The following GTF2A1L variants were observed in gnomAD, a reference collection of about 807,000 sequenced individuals.
GTF2A1L encodes TFIIA-alpha and beta-like factor.
GTF2A1L carries 48 observed loss-of-function variants against 49.7 expected under a neutral mutation model. That is an observed-to-expected ratio of 0.97 (90% CI 0.77 to 1.23). GTF2A1L has a LOEUF of 1.23. Among genes scored for constraint, GTF2A1L ranks in the 50% most tolerant of loss-of-function variants. The pLI is 0.00. For synonymous variants in GTF2A1L, 246 were observed against 193.5 expected, an observed-to-expected ratio of 1.27 and a Z score of -2.25; for missense variants, 736 against 564.8, an observed-to-expected ratio of 1.30 and a Z score of -3.07.
At chr2:48,623,436 G>T (rs1572694325) in intron 3 of GTF2A1L, among the ~76,000 whole-genome samples, 2 of 152,296 alleles carry the variant, frequency 1.3e-5, no homozygotes, top group Non-Finnish European at 2.9e-5. Context: ...AGATGTTGGT[G>T]AAGCTGCAGA....
chr2:48,626,707 G>C, intron 3 of GTF2A1L, among the ~76,000 whole-genome samples: 1 of 143,622 alleles, frequency 7.0e-6, no homozygotes, highest in East Asian at 2.0e-4. Flanking sequence ...CAAAGTAGCT[G>C]GGACTACAGG....
intron 3 of GTF2A1L, among the ~76,000 whole-genome samples, chr2:48,633,728 T>A (rs1676716342): frequency 6.6e-6 from 1 of 152,216 alleles, no homozygotes; most frequent in Admixed American, 6.5e-5. Flanking sequence ...CAGTAGGATT[T>A]CAATAGGGGG....
At chr2:48,672,678 T>C (rs904571095) in intron 8 of GTF2A1L, among the ~76,000 whole-genome samples, 3 of 152,290 alleles carry the variant, frequency 2.0e-5, no homozygotes, top group Non-Finnish European at 2.9e-5. Flanking sequence ...CTAAAAATAA[T>C]ACTGCTTTTT....
intron 8 of GTF2A1L, among the ~76,000 whole-genome samples, chr2:48,672,235 G>A (rs1679209470): frequency 6.6e-6 from 1 of 152,182 alleles, no homozygotes; most frequent in Non-Finnish European, 1.5e-5. Context: ...AAAAAGCAGA[G>A]AAATGAATGG....
rs1422026165 is a variant in GTF2A1L at position 48,625,909 on chromosome 2, GC to G, written c.247+4620del. ...ATTTATTTTCGCTTTTGTAGCCCGAGCTTTTGGTGTGATATCCAAAAAATCA... is the reference window on the plus strand; with the variant it reads ...ATTTATTTTCGCTTTTGTAGCCCGAGTTTTGGTGTGATATCCAAAAAATCA... On this transcript the variant is annotated intron_variant, in intron 3 of 8. Coordinates refer to ENST00000403751, the MANE Select transcript of GTF2A1L (RefSeq NM_006872.5). Among the ~76,000 whole-genome samples the G allele has an allele frequency of 2.8e-5, 4 of 143,874 alleles. 1 individual carries two copies. The highest frequency in any genetic ancestry group is 5.0e-5 in the African/African-American group (2 of 40,344). 94.4% of individuals were successfully genotyped at this position (143,874 alleles called of 152,430 possible).
In GTF2A1L at chr2:48,625,747, T is replaced by C. The variant is rs1291956774; in HGVS notation, c.247+4457T>C. Among the ~76,000 whole-genome samples the C allele has an allele frequency of 6.3e-5, 9 of 143,082 alleles. 2 individuals carry two copies. The highest frequency in any genetic ancestry group is 1.4e-4 in the Non-Finnish European group (9 of 63,718). 93.9% of individuals were successfully genotyped at this position (143,082 alleles called of 152,430 possible). A position where few individuals can be genotyped will look rare whatever the true frequency, so the allele number is the denominator to read the frequency against. On this transcript the variant is annotated intron_variant, in intron 3 of 8. Coordinates refer to ENST00000403751, the MANE Select transcript of GTF2A1L (RefSeq NM_006872.5). ...ACAGGCATACTCTATCATGCCTGGC[T>C]AATTTTCACATTTTTTGTAGAGACC...
At position 48,625,283 on chromosome 2, in the gene GTF2A1L, G is replaced by A. The variant is rs564797521; in HGVS notation, c.247+3993G>A. Among the ~76,000 whole-genome samples, 47 of 143,698 alleles carry A rather than the reference G, an allele frequency of 3.3e-4. 7 individuals carry two copies. Among genetic ancestry groups the A allele is most frequent in the South Asian group, 1.4e-3 (6 of 4,184 alleles). 94.3% of individuals were successfully genotyped at this position (143,698 alleles called of 152,430 possible). On this transcript the variant is annotated intron_variant, in intron 3 of 8. Coordinates refer to ENST00000403751, the MANE Select transcript of GTF2A1L (RefSeq NM_006872.5). ...AGGTGTGAGTTGATATCTTAATGCA[G>A]TTTTGACTTATATTCCTCTGATGAA...
chr2:48,645,588 G>C (rs983610935), intron 5 of GTF2A1L, among the ~76,000 whole-genome samples: 2 of 152,136 alleles, frequency 1.3e-5, no homozygotes, highest in African/African-American at 4.8e-5. Context: ...TTTTGAAGAG[G>C]ATCATACCTC....
intron 3 of GTF2A1L, among the ~76,000 whole-genome samples, chr2:48,640,387 G>A (rs1677135784): frequency 6.6e-6 from 1 of 152,176 alleles, no homozygotes; most frequent in Non-Finnish European, 1.5e-5. Context: ...CATGTCTTTT[G>A]TGGGAACATG....
intron 6 of GTF2A1L, among the ~76,000 whole-genome samples, chr2:48,665,175 G>A (rs957327001): frequency 2.6e-5 from 4 of 152,072 alleles, no homozygotes; most frequent in African/African-American, 9.7e-5. Flanking sequence ...GCCTGCCTTG[G>A]CCTCCTAAAG....
chr2:48,636,847 A>G (rs1000049705), intron 3 of GTF2A1L, among the ~76,000 whole-genome samples: 12 of 152,120 alleles, frequency 7.9e-5, no homozygotes, highest in Middle Eastern at 3.2e-3. Context: ...TAGTCACCCT[A>G]TGATTACCTT....
At chr2:48,669,093 A>G (rs1025259298) in intron 6 of GTF2A1L, among the ~76,000 whole-genome samples, 2 of 152,160 alleles carry the variant, frequency 1.3e-5, no homozygotes, top group Non-Finnish European at 2.9e-5. Context: ...AAGTACATTC[A>G]CAATGTTGTA....
At chr2:48,633,023 G>T in intron 3 of GTF2A1L, 1 of 239,424 alleles carries the variant, frequency 4.2e-6, no homozygotes, top group Non-Finnish European at 8.7e-6. Context: ...TGTCATAAAA[G>T]GTTTTACTGT....
intron 6 of GTF2A1L, among the ~76,000 whole-genome samples, chr2:48,649,761 TAATA>T (rs1224481761): frequency 1.3e-5 from 2 of 152,132 alleles, no homozygotes; most frequent in Non-Finnish European, 2.9e-5. Context: ...CCTTCACCTA[TAATA>T]AATAAACTTC....
chr2:48,621,102 A>G, intron 2 of GTF2A1L, 65 bp from the exon 3 acceptor site: 1 of 1,541,422 alleles, frequency 6.5e-7, no homozygotes, highest in Non-Finnish European at 8.7e-7. Context: ...AAACTGAAAA[A>G]AAGAGAAGTA....
At position 48,628,540 on chromosome 2, in the gene GTF2A1L, C is replaced by A. The variant is rs563362877; in HGVS notation, c.247+7250C>A. ...TCTTTTGAGAAGCATCTGTACATGT[C>A]TTTTGCCCACTTTTTAATGGGGTTA... On this transcript the variant is annotated intron_variant, in intron 3 of 8. Transcript: ENST00000403751. Among the ~76,000 whole-genome samples the A allele has an allele frequency of 2.4e-4, 35 of 143,868 alleles. 1 individual carries two copies. Among genetic ancestry groups the A allele is most frequent in the African/African-American group, 6.9e-4 (28 of 40,560 alleles). The allele number at this position is 143,868 out of a possible 152,430, so 94.4% of individuals were successfully genotyped here.
At chr2:48,640,050 G>A (rs553345398) in intron 3 of GTF2A1L, among the ~76,000 whole-genome samples, 20 of 152,154 alleles carry the variant, frequency 1.3e-4, no homozygotes, top group Non-Finnish European at 2.9e-4. Context: ...AAAATGAACA[G>A]ATACTGGTGA....
At position 48,628,945 on chromosome 2, in the gene GTF2A1L, G is replaced by T. The variant is rs1676433391; in HGVS notation, c.247+7655G>T. 1.4e-5 allele frequency among the ~76,000 whole-genome samples: 2 copies of T among 143,542 alleles called. 1 individual carries two copies. The highest frequency in any genetic ancestry group is 3.1e-5 in the Non-Finnish European group (2 of 63,728). The allele number at this position is 143,542 out of a possible 152,430, so 94.2% of individuals were successfully genotyped here. On this transcript the variant is annotated intron_variant, in intron 3 of 8. Transcript: ENST00000403751. Reference sequence around the variant, plus strand: ...AGTTAACAAGAGGGAGGTGTGGTAGGAAGAAAGTGACTTTGCAGCCAGGTG... The same window carrying T: ...AGTTAACAAGAGGGAGGTGTGGTAGTAAGAAAGTGACTTTGCAGCCAGGTG...
At chr2:48,651,834 C>T (rs1179140933) in intron 6 of GTF2A1L, among the ~76,000 whole-genome samples, 8 of 152,082 alleles carry the variant, frequency 5.3e-5, no homozygotes, top group African/African-American at 1.9e-4. Context: ...TGAGAGGGAG[C>T]AAAAGCCCCC....
Sources: gnomAD v4.1 joint callset for allele counts (sites outside exome capture counted in the v4.1 genomes callset) on GRCh38, gnomAD v4.1.1 for gene constraint, MANE v1.5 for transcripts, NCBI Gene and HGNC (gene_info 2026-07-23, HGNC 2026-07-21) for gene names.